PHKB: variants seen among roughly 807,000 people sequenced by gnomAD.
The protein encoded by PHKB is phosphorylase b kinase regulatory subunit beta.
In PHKB, 122 loss-of-function variants were observed where a neutral mutation model predicts 152.1. That is an observed-to-expected ratio of 0.80 (90% CI 0.69 to 0.93). The LOEUF (loss-of-function observed/expected upper bound fraction) is 0.93, where lower values mean the gene tolerates loss of function less well. Ranked by LOEUF, PHKB falls within the 40% of genes least tolerant of loss-of-function variation. The probability of loss-of-function intolerance (pLI) is 0.00; values close to 1 mark genes in which losing one functional copy is unlikely to be tolerated. For synonymous variants in PHKB, 436 were observed against 464.9 expected (o/e 0.94, Z 0.80); for missense variants, 1,304 against 1,328.4 (o/e 0.98, Z 0.29).
At position 47,610,854 on chromosome 16, in the gene PHKB, T is replaced by G; in HGVS notation, c.1392T>G (p.Ile464Met). Residue 464 changes from isoleucine to methionine, a missense_variant, in exon 14 of 31, where the codon ATT becomes ATG. Physicochemically the swap from Ile to Met is conservative, Grantham distance 10 (BLOSUM62 1). Transcript: ENST00000323584. ...ATGAACTTATTAGTCCTAAAGACATTGATCCTGTCCAGCGCTATGTCCCAC... is the reference window on the plus strand; with the variant it reads ...ATGAACTTATTAGTCCTAAAGACATGGATCCTGTCCAGCGCTATGTCCCAC... ...LADELISPKDIDPVQRYVPLK... is the reference protein window; with the variant it reads ...LADELISPKDMDPVQRYVPLK... 6.2e-7 allele frequency: 1 copy of G among 1,608,644 alleles called. No homozygotes were observed. Among genetic ancestry groups the G allele is most frequent in the Non-Finnish European group, 8.5e-7 (1 of 1,175,010 alleles).
rs556111769 is a variant in PHKB at position 47,515,550 on chromosome 16, C to T, written c.543C>T (p.Tyr181=). Residue 181 remains tyrosine, a synonymous_variant, in exon 6 of 31, where the codon TAC becomes TAT. Transcript: ENST00000323584. ...ATGCAGTGTCACTTTATCTCCTTTA[C>T]CTTGTGGAAATGATTTCCTCAGGAC... The part of the protein sequence containing the change: ...QINAVSLYLL[Y]LVEMISSGLQ... 3.3e-6 allele frequency: 5 copies of T among 1,512,124 alleles called. No homozygotes were observed. The Admixed American group carries it at 6.7e-5, about 20-fold the overall frequency. 93.7% of individuals were successfully genotyped at this position (1,512,124 alleles called of 1,614,324 possible). A position where few individuals can be genotyped will look rare whatever the true frequency, so the allele number is the denominator to read the frequency against.
intron 14 of PHKB, among the ~76,000 whole-genome samples, chr16:47,635,760 C>G (rs1399941382): frequency 3.3e-5 from 5 of 152,218 alleles, no homozygotes; most frequent in Non-Finnish European, 1.5e-5. Flanking sequence ...GTCAGACTGC[C>G]TGGGTCTGAA....
At chr16:47,680,960 G>C (rs1414211587) in intron 26 of PHKB, among the ~76,000 whole-genome samples, 4 of 152,216 alleles carry the variant, frequency 2.6e-5, no homozygotes, top group Non-Finnish European at 4.4e-5. Context: ...AGAGATTCTG[G>C]TATGTTGTGT....
At chr16:47,489,785 G>A (rs972328114) in intron 1 of PHKB, among the ~76,000 whole-genome samples, 10 of 151,952 alleles carry the variant, frequency 6.6e-5, no homozygotes, top group African/African-American at 2.4e-4. Flanking sequence ...TCTTTAAAGG[G>A]AAGCATACCG....
intron 26 of PHKB, among the ~76,000 whole-genome samples, chr16:47,674,179 C>G (rs548303694): frequency 5.6e-4 from 82 of 145,602 alleles, no homozygotes; most frequent in Non-Finnish European, 1.0e-3. Flanking sequence ...CGTCTTTTGT[C>G]TGCCAGGCCT....
At position 47,555,528 on chromosome 16, in the gene PHKB, A is replaced by G. The variant is rs60017736; in HGVS notation, c.710+7980A>G. Among the ~76,000 whole-genome samples, 5 of 152,364 alleles carry G rather than the reference A, an allele frequency of 3.3e-5. No individual in the cohort carries two copies. The East Asian group carries it at 9.6e-4, about 29-fold the overall frequency. ...AGCTCTCTTCAGTGAATATTAGAAT[A>G]AAGATGTTAAGGTACCATCTTGCAA... is the stretch of plus-strand genomic sequence containing the variant. On this transcript the variant is annotated intron_variant, in intron 7 of 30. Coordinates refer to ENST00000323584, the MANE Select transcript of PHKB (RefSeq NM_000293.3).
chr16:47,636,947 G>T (rs1050756837), intron 14 of PHKB, among the ~76,000 whole-genome samples: 1 of 152,150 alleles, frequency 6.6e-6, no homozygotes, highest in South Asian at 2.1e-4. Context: ...ACCCATGGCC[G>T]CCCATGGACC....
rs773086369 is a variant in PHKB, at chr16:47,511,771, A to G, written c.512A>G (p.Gln171Arg). 6.6e-7 allele frequency: 1 copy of G among 1,507,290 alleles called. No homozygotes were observed. Among genetic ancestry groups the G allele is most frequent in the Admixed American group, 1.7e-5 (1 of 59,890 alleles). The allele number at this position is 1,507,290 out of a possible 1,614,324, so 93.4% of individuals were successfully genotyped here. Residue 171 changes from glutamine (Q) to arginine (R), a missense_variant and splice_region_variant, in exon 5 of 31, where the codon CAG becomes CGG. Transcript: ENST00000323584. Reference protein sequence around the residue: ...LLSYEEYGHLQINAVSLYLLY... With the variant: ...LLSYEEYGHLRINAVSLYLLY... ...TCCTATGAGGAATATGGTCATCTTC[A>G]GGTAAAAAGAGATTATACATTTTAT...
chr16:47,568,084 T>C (rs1463700831), intron 7 of PHKB, among the ~76,000 whole-genome samples: 1 of 152,182 alleles, frequency 6.6e-6, no homozygotes, highest in African/African-American at 2.4e-5. Context: ...CTGCTCTGTC[T>C]TTTGGAATAG....
intron 26 of PHKB, among the ~76,000 whole-genome samples, chr16:47,672,001 A>G (rs1351994015): frequency 1.3e-5 from 2 of 152,148 alleles, no homozygotes; most frequent in African/African-American, 4.8e-5. Context: ...TGTGTGCAAA[A>G]GTATCTGAAA....
intron 1 of PHKB, among the ~76,000 whole-genome samples, chr16:47,470,104 C>A (rs1220069589): frequency 6.6e-6 from 1 of 152,056 alleles, no homozygotes; most frequent in African/African-American, 2.4e-5. Flanking sequence ...CCTAACCCAG[C>A]GGCGCTAGAG....
chr16:47,650,462 T>C (rs1973215427), intron 18 of PHKB, 82 bp from the exon 19 acceptor site: 4 of 822,838 alleles, frequency 4.9e-6, no homozygotes, highest in Admixed American at 1.7e-5. Flanking sequence ...AAGAATTTTG[T>C]TGGCTCTTTG....
chr16:47,629,440 C>T (rs1221822665), intron 14 of PHKB, among the ~76,000 whole-genome samples: 4 of 151,144 alleles, frequency 2.6e-5, no homozygotes, highest in East Asian at 1.9e-4. Context: ...TCATCACTGG[C>T]CATCAGAGAA....
intron 14 of PHKB, among the ~76,000 whole-genome samples, chr16:47,623,237 G>A (rs1972647845): frequency 6.6e-6 from 1 of 151,950 alleles, no homozygotes; most frequent in South Asian, 2.1e-4. Context: ...TATTATTGCT[G>A]TTTTTTATTT....
At chr16:47,536,350 C>T (rs1464518650) in intron 6 of PHKB, among the ~76,000 whole-genome samples, 1 of 152,136 alleles carries the variant, frequency 6.6e-6, no homozygotes, top group Non-Finnish European at 1.5e-5. Context: ...CGCACCCGGC[C>T]GATCTTTATT....
chr16:47,623,610 G>C (rs1972657622), intron 14 of PHKB, among the ~76,000 whole-genome samples: 1 of 148,258 alleles, frequency 6.7e-6, no homozygotes, highest in Non-Finnish European at 1.5e-5. Flanking sequence ...TGTTGCCCAG[G>C]CTGGAGTGCA....
intron 7 of PHKB, among the ~76,000 whole-genome samples, chr16:47,575,199 A>G (rs1470187258): frequency 1.3e-5 from 2 of 152,208 alleles, no homozygotes; most frequent in Non-Finnish European, 2.9e-5. Context: ...AAAGTCAAAA[A>G]CTAACATATT....
chr16:47,602,542 C>CTTTTTT (rs34655174), intron 13 of PHKB, among the ~76,000 whole-genome samples: 25 of 122,572 alleles, frequency 2.0e-4, no homozygotes, highest in Non-Finnish European at 3.4e-4. Flanking sequence ...GCTTCTCTTC[C>CTTTTTT]TTTTTTTTTT....
intron 28 of PHKB, among the ~76,000 whole-genome samples, chr16:47,694,141 TCACTC>T (rs1327399959): frequency 1.3e-5 from 2 of 152,230 alleles, no homozygotes; most frequent in Non-Finnish European, 2.9e-5. Flanking sequence ...ATCACTTACT[TCACTC>T]CAGGTGTACC....
Sources: allele counts gnomAD v4.1 joint callset (sites outside exome capture counted in the v4.1 genomes callset), GRCh38; gene constraint gnomAD v4.1.1; transcripts MANE v1.5; gene names NCBI Gene and HGNC (gene_info 2026-07-23, HGNC 2026-07-21).